Variants in NAV2 observed in about 807,000 individuals in gnomAD.
NAV2 encodes the protein helicase, APC down-regulated 1.
Under a neutral mutation model 223.2 loss-of-function variants are expected in NAV2, and 54 were observed. That is an observed-to-expected ratio of 0.24 (90% CI 0.19 to 0.30). The LOEUF (loss-of-function observed/expected upper bound fraction) is 0.30. Ranked by LOEUF, NAV2 falls within the 10% of genes least tolerant of loss-of-function variation. NAV2 has a pLI of 1.00. For missense variants in NAV2, 2,806 were observed against 3,147.5 expected, an observed-to-expected ratio of 0.89 and a Z score of 2.60; for synonymous variants, 1,279 against 1,239.3, an observed-to-expected ratio of 1.03 and a Z score of -0.67.
chr11:19,884,774 TGC>T (rs1204314695), intron 5 of NAV2, among the ~76,000 whole-genome samples: 4 of 107,672 alleles, frequency 3.7e-5, no homozygotes, highest in African/African-American at 1.5e-4. Flanking sequence ...ATGTGTCTTG[TGC>T]TTTGTGTTGT....
At chr11:19,844,420 G>T (rs746924067) in intron 3 of NAV2, among the ~76,000 whole-genome samples, 1 of 152,162 alleles carries the variant, frequency 6.6e-6, no homozygotes, top group Non-Finnish European at 1.5e-5. Context: ...GAGGTTTTGC[G>T]TGTTGTTAGA....
At chr11:20,112,663 A>C (rs535978405) in intron 36 of NAV2, among the ~76,000 whole-genome samples, 10 of 152,142 alleles carry the variant, frequency 6.6e-5, no homozygotes, top group Non-Finnish European at 1.5e-4. Flanking sequence ...CATGACTCAG[A>C]GTTGTTCAAG....
chr11:19,808,600 T>C (rs1014226809), intron 1 of NAV2, among the ~76,000 whole-genome samples: 37 of 152,252 alleles, frequency 2.4e-4, no homozygotes, highest in Non-Finnish European at 4.1e-4. Flanking sequence ...AGCAAGTTTA[T>C]CTGCTAGTGG....
At chr11:20,049,424 C>G in intron 15 of NAV2, 1 of 549,530 alleles carries the variant, frequency 1.8e-6, no homozygotes, top group Non-Finnish European at 3.2e-6. Context: ...TGCTCAGTCT[C>G]TCGGGGGCAG....
At chr11:19,929,097 AACACAC>A (rs1214052206) in intron 6 of NAV2, among the ~76,000 whole-genome samples, 3 of 152,096 alleles carry the variant, frequency 2.0e-5, no homozygotes, top group African/African-American at 7.2e-5. Context: ...TCTACAAAAA[AACACAC>A]ACACATACAC....
At chr11:20,032,409 G>GC (rs1442898205) in intron 11 of NAV2, among the ~76,000 whole-genome samples, 2 of 152,126 alleles carry the variant, frequency 1.3e-5, no homozygotes, top group Non-Finnish European at 2.9e-5. Context: ...ATATTATGTT[G>GC]GTGTTGAAAG....
At chr11:20,026,300 T>A (rs886208624) in intron 11 of NAV2, among the ~76,000 whole-genome samples, 35 of 152,142 alleles carry the variant, frequency 2.3e-4, no homozygotes, top group South Asian at 6.2e-4. Context: ...AGTTTTTTTT[T>A]AAATTTATTT....
chr11:19,644,040 T>C (rs1394344018), intron 1 of NAV2, among the ~76,000 whole-genome samples: 2 of 150,242 alleles, frequency 1.3e-5, no homozygotes, highest in Admixed American at 1.3e-4. Context: ...TGTGCGTATG[T>C]GTCTGTGTAT....
chr11:19,943,608 T>G (rs547275940), intron 8 of NAV2, among the ~76,000 whole-genome samples: 127 of 152,332 alleles, frequency 8.3e-4, no homozygotes, highest in Non-Finnish European at 1.4e-3. Context: ...ATTTCTTAGC[T>G]GCCTTGTCCC....
At chr11:19,781,246 C>T (rs903290259) in intron 1 of NAV2, among the ~76,000 whole-genome samples, 18 of 152,132 alleles carry the variant, frequency 1.2e-4, no homozygotes, top group African/African-American at 4.3e-4. Flanking sequence ...TGGATGCCTC[C>T]TAGAGCGCTG....
At chr11:19,836,563 C>CAAA (rs34706618) in intron 2 of NAV2, among the ~76,000 whole-genome samples, 2 of 82,540 alleles carry the variant, frequency 2.4e-5, no homozygotes, top group African/African-American at 7.2e-5. Flanking sequence ...GACTCTGTCT[C>CAAA]AAAAAAAAAA....
intron 1 of NAV2, among the ~76,000 whole-genome samples, chr11:19,544,990 C>A (rs1466155862): frequency 6.6e-6 from 1 of 152,206 alleles, no homozygotes; most frequent in African/African-American, 2.4e-5. Flanking sequence ...GTAAATGTCC[C>A]ACTCTCCACC....
intron 1 of NAV2, among the ~76,000 whole-genome samples, chr11:19,572,343 G>T (rs955288485): frequency 4.6e-5 from 7 of 152,184 alleles, no homozygotes; most frequent in African/African-American, 1.7e-4. Context: ...TGAGACTTGG[G>T]GATATGGCAT....
intron 1 of NAV2, among the ~76,000 whole-genome samples, chr11:19,483,622 A>G (rs938350981): frequency 1.3e-5 from 2 of 152,208 alleles, no homozygotes; most frequent in African/African-American, 4.8e-5. Context: ...AAAAATGCAT[A>G]CTAGTTTTGC....
chr11:19,490,086 G>A (rs1006435590), intron 1 of NAV2, among the ~76,000 whole-genome samples: 2 of 152,158 alleles, frequency 1.3e-5, no homozygotes, highest in Non-Finnish European at 2.9e-5. Context: ...TCGAAATAAT[G>A]TATATACCTT....
chr11:19,533,684 C>G (rs2044095373), intron 1 of NAV2, among the ~76,000 whole-genome samples: 1 of 151,494 alleles, frequency 6.6e-6, no homozygotes, highest in African/African-American at 2.4e-5. Context: ...CTGTCTCTCT[C>G]TCTCTCCCCT....
intron 1 of NAV2, among the ~76,000 whole-genome samples, chr11:19,814,337 C>T (rs920220572): frequency 3.9e-5 from 6 of 152,136 alleles, no homozygotes; most frequent in African/African-American, 1.4e-4. Context: ...AAGCAATTTC[C>T]TGTTCAGTGA....
intron 22 of NAV2, among the ~76,000 whole-genome samples, chr11:20,072,971 T>C (rs1259587510): frequency 6.6e-6 from 1 of 152,198 alleles, no homozygotes; most frequent in Non-Finnish European, 1.5e-5. Context: ...TCCAATACTA[T>C]GTTGAATAGG....
chr11:19,969,713 C>T (rs1248986394), intron 10 of NAV2, among the ~76,000 whole-genome samples: 2 of 151,964 alleles, frequency 1.3e-5, no homozygotes, highest in Non-Finnish European at 2.9e-5. Flanking sequence ...GAGGCTGAGG[C>T]GGGCGGATAA....
Sources: allele counts gnomAD v4.1 joint callset (sites outside exome capture counted in the v4.1 genomes callset), GRCh38; gene constraint gnomAD v4.1.1; transcripts MANE v1.5; gene names NCBI Gene and HGNC (gene_info 2026-07-23, HGNC 2026-07-21).